The following PLPP4 variants were observed in gnomAD, a reference collection of about 807,000 sequenced individuals.
PLPP4 encodes phospholipid phosphatase 4.
In PLPP4, 20 loss-of-function variants were observed where a neutral mutation model predicts 32.2. The observed-to-expected ratio is 0.62, with a 90% CI of 0.44 to 0.90. The LOEUF (loss-of-function observed/expected upper bound fraction) is 0.90, where lower values mean the gene tolerates loss of function less well. Among genes scored for constraint, PLPP4 ranks in the 40% least tolerant of loss-of-function variants. The pLI is 0.00. For missense variants in PLPP4, 257 were observed against 353.1 expected (o/e 0.73, Z 2.18); for synonymous variants, 127 against 133.0 (o/e 0.95, Z 0.31).
chr10:120,559,896 A>C (rs562621573), intron 5 of PLPP4, among the ~76,000 whole-genome samples: 12 of 152,228 alleles, frequency 7.9e-5, no homozygotes, highest in Admixed American at 7.2e-4. Context: ...TTGAAGCTGC[A>C]GTATTAAATC....
intron 5 of PLPP4, among the ~76,000 whole-genome samples, chr10:120,521,495 A>ATATATACATATACATACATATGTTACATG (rs1374494325): frequency 6.6e-6 from 1 of 152,208 alleles, no homozygotes; most frequent in Admixed American, 6.5e-5. Context: ...ATATGTATAC[A>ATATATACATATACATACATATGTTACATG]TATATACATA....
chr10:120,462,273 A>G (rs1260345492), intron 1 of PLPP4, among the ~76,000 whole-genome samples: 1 of 152,022 alleles, frequency 6.6e-6, no homozygotes, highest in East Asian at 1.9e-4. Flanking sequence ...TGGAAGGAGA[A>G]CGCAAGTGGC....
chr10:120,514,041 A>T, intron 3 of PLPP4, 40 bp downstream of exon 3: 2 of 1,408,750 alleles, frequency 1.4e-6, no homozygotes, highest in Non-Finnish European at 2.0e-6. Flanking sequence ...AATGGGGCTG[A>T]CCTTAATTAG....
chr10:120,483,379 C>A (rs1044281278), intron 1 of PLPP4, among the ~76,000 whole-genome samples: 2 of 152,190 alleles, frequency 1.3e-5, no homozygotes, highest in Admixed American at 1.3e-4. Flanking sequence ...TACGTCTATC[C>A]TATTAGTTCT....
chr10:120,530,162 A>G (rs1423278300), intron 5 of PLPP4, among the ~76,000 whole-genome samples: 1 of 152,230 alleles, frequency 6.6e-6, no homozygotes, highest in African/African-American at 2.4e-5. Flanking sequence ...AGGTAAAATT[A>G]GCATCAAAAT....
chr10:120,589,325 C>A lies in PLPP4; in HGVS notation c.639C>A (p.Ile213=), dbSNP rs769617780. Residue 213 remains isoleucine, a synonymous_variant, in exon 7 of 7, where the codon ATC becomes ATA. Transcript: ENST00000398250. ...TAGATTCCTTTGTGGGTGGAGTCAT[C>A]GGCCTCATTTTTGCATACATTTGCT... ...HWQDSFVGGV[I]GLIFAYICYR... 2 of 1,614,152 alleles carry A rather than the reference C, an allele frequency of 1.2e-6. No individual in the cohort carries two copies. Among genetic ancestry groups the A allele is most frequent in the Non-Finnish European group, 1.7e-6 (2 of 1,180,008 alleles).
intron 1 of PLPP4, among the ~76,000 whole-genome samples, chr10:120,481,856 A>G (rs975732132): frequency 6.6e-6 from 1 of 152,196 alleles, no homozygotes; most frequent in Admixed American, 6.5e-5. Flanking sequence ...AGGTAATTGA[A>G]TCATGGGGGC....
chr10:120,496,600 G>C (rs547578613), intron 1 of PLPP4, among the ~76,000 whole-genome samples: 2 of 152,138 alleles, frequency 1.3e-5, no homozygotes, highest in Non-Finnish European at 2.9e-5. Flanking sequence ...CCAATTCCAC[G>C]ATCTGTTGTG....
At chr10:120,512,133 A>G (rs1477768753) in intron 2 of PLPP4, among the ~76,000 whole-genome samples, 1 of 152,160 alleles carries the variant, frequency 6.6e-6, no homozygotes, top group Admixed American at 6.5e-5. Flanking sequence ...CCAGCTGTAT[A>G]AGCATGTTTG....
At position 120,460,168 on chromosome 10, in the gene PLPP4, C is replaced by T. The variant is rs114308084; in HGVS notation, c.56+2807C>T. Among the ~76,000 whole-genome samples, 1,051 of 152,144 alleles carry T rather than the reference C, an allele frequency of 6.9e-3. 12 individuals carry two copies. Among genetic ancestry groups the T allele is most frequent in the African/African-American group, 0.024 (1,006 of 41,504 alleles). ...CAGAAGATAAATTGGTTACAGGAAC[C>T]CAGTGTTTAGGAAAAATAAAAGTAA... On this transcript the variant is annotated intron_variant, in intron 1 of 6. Coordinates refer to ENST00000398250, the MANE Select transcript of PLPP4 (RefSeq NM_001030059.3).
At chr10:120,554,580 G>A (rs1455638394) in intron 5 of PLPP4, among the ~76,000 whole-genome samples, 1 of 152,086 alleles carries the variant, frequency 6.6e-6, no homozygotes, top group Admixed American at 6.6e-5. Flanking sequence ...TTCTCAAACT[G>A]CAGTAAAGAA....
At chr10:120,556,411 A>C (rs11199399) in intron 5 of PLPP4, among the ~76,000 whole-genome samples, 8,088 of 152,314 alleles carry the variant, frequency 0.053, 311 homozygotes, top group South Asian at 0.2. Context: ...TGTTTAACTT[A>C]AACTATTTCT....
chr10:120,540,588 G>A (rs1054252160), intron 5 of PLPP4, among the ~76,000 whole-genome samples: 1 of 152,146 alleles, frequency 6.6e-6, no homozygotes, highest in African/African-American at 2.4e-5. Context: ...AAGGTACAGG[G>A]CAAAGTGAGA....
At chr10:120,580,858 A>C (rs1395249926) in intron 6 of PLPP4, 2 of 1,286,066 alleles carry the variant, frequency 1.6e-6, no homozygotes, top group Non-Finnish European at 2.0e-6. Flanking sequence ...TAATATCCTC[A>C]GCCCAAGTGA....
At position 120,554,829 on chromosome 10, in the gene PLPP4, G is replaced by A. The variant is rs938426763; in HGVS notation, c.446-20302G>A. 5.3e-5 allele frequency among the ~76,000 whole-genome samples: 8 copies of A among 152,056 alleles called. No homozygotes were observed. In the South Asian group the frequency reaches 8.3e-4, roughly 16 times the overall value. ...TCACTATCATGAGAACAGCAAGGGG[G>A]AAATCTGCCCCCATGACCAAATCAC... On this transcript the variant is annotated intron_variant, in intron 5 of 6. Transcript: ENST00000398250.
chr10:120,494,787 C>A (rs1165461012), intron 1 of PLPP4, among the ~76,000 whole-genome samples: 1 of 152,188 alleles, frequency 6.6e-6, no homozygotes, highest in East Asian at 1.9e-4. Flanking sequence ...ACCTCCTTCC[C>A]TGTGCATTCT....
intron 1 of PLPP4, among the ~76,000 whole-genome samples, chr10:120,499,565 T>C (rs2133857136): frequency 6.6e-6 from 1 of 152,110 alleles, no homozygotes; most frequent in Admixed American, 6.5e-5. Context: ...GGCTGGAGAT[T>C]CTCCATTTTT....
chr10:120,525,034 C>T (rs1217962585), intron 5 of PLPP4, among the ~76,000 whole-genome samples: 2 of 152,144 alleles, frequency 1.3e-5, no homozygotes. Flanking sequence ...TACTCTCATC[C>T]AGGTGTCAGC....
At chr10:120,521,304 A>C (rs912180626) in intron 5 of PLPP4, among the ~76,000 whole-genome samples, 1 of 152,114 alleles carries the variant, frequency 6.6e-6, no homozygotes, top group Non-Finnish European at 1.5e-5. Context: ...AAAACATTGC[A>C]TGTGTTGCTT....
Sources: allele counts gnomAD v4.1 joint callset (sites outside exome capture counted in the v4.1 genomes callset), GRCh38; gene constraint gnomAD v4.1.1; transcripts MANE v1.5; gene names NCBI Gene and HGNC (gene_info 2026-07-23, HGNC 2026-07-21).